Variants in GPR143 observed in about 807,000 individuals in gnomAD.
The protein encoded by GPR143 is G protein-coupled receptor 143.
GPR143 carries 8 observed loss-of-function variants against 27.6 expected under a neutral mutation model. That is an observed-to-expected ratio of 0.29 (90% CI 0.17 to 0.52). The LOEUF (loss-of-function observed/expected upper bound fraction) is 0.52, where lower values mean the gene tolerates loss of function less well. Among genes scored for constraint, GPR143 ranks in the 20% least tolerant of loss-of-function variants. GPR143 has a pLI of 0.96. For missense variants in GPR143, 303 were observed against 343.1 expected (o/e 0.88, Z 0.92); for synonymous variants, 156 against 153.2 (o/e 1.02, Z -0.13).
chrX:9,758,813 G>A (rs1434641915), intron 3 of GPR143, among the ~76,000 whole-genome samples: 1 of 111,032 alleles, frequency 9.0e-6, no homozygotes, highest in African/African-American at 3.3e-5. Context: ...GCTTGAGCCT[G>A]GGAGGTTGAG....
intron 3 of GPR143, 37 bp from the exon 4 acceptor site, chrX:9,748,703 G>A (rs1387844491): frequency 2.1e-6 from 2 of 966,846 alleles, no homozygotes; most frequent in East Asian, 6.1e-5. Flanking sequence ...CAGCTCAGTG[G>A]GGCACAGAGG....
In GPR143 at chrX:9,726,970, T is replaced by G. The variant is rs973310176; in HGVS notation, c.1121-1130A>C. On this transcript the variant is annotated intron_variant, in intron 8 of 8. Transcript: ENST00000467482. ...AACATCACTCCCATCGAAAGAGTAA[T>G]CCTGGATGTCAGTCATCATTCTGAT... is the stretch of plus-strand genomic sequence containing the variant. Among the ~76,000 whole-genome samples the G allele has an allele frequency of 3.6e-5, 4 of 112,495 alleles. No homozygotes were observed. The Admixed American group carries it at 3.7e-4, about 11-fold the overall frequency.
At chrX:9,767,607 A>G (rs975947517), upstream of GPR143, among the ~76,000 whole-genome samples, 2 of 111,708 alleles carry the variant, frequency 1.8e-5, no homozygotes, top group African/African-American at 3.3e-5. Context: ...ACTTCAAAAG[A>G]GTCCAGATCT....
chrX:9,752,951 G>A (rs970676251), intron 3 of GPR143, among the ~76,000 whole-genome samples: 1 of 111,439 alleles, frequency 9.0e-6, no homozygotes, highest in Non-Finnish European at 1.9e-5. Flanking sequence ...AGGGAGCGCC[G>A]TGTGTTGAGG....
chrX:9,767,396 G>A (rs867639707), upstream of GPR143, among the ~76,000 whole-genome samples: 1 of 110,319 alleles, frequency 9.1e-6, no homozygotes, highest in African/African-American at 3.3e-5. Context: ...AGGTGCAGGT[G>A]TCCCCATTGT....
chrX:9,756,486 C>T (rs1028499579), intron 3 of GPR143, among the ~76,000 whole-genome samples: 5 of 112,017 alleles, frequency 4.5e-5, no homozygotes, highest in African/African-American at 9.7e-5. Context: ...TTGTGAATCA[C>T]GTATGTAATA....
chrX:9,726,688 C>T (rs1202207323), intron 8 of GPR143, among the ~76,000 whole-genome samples: 1 of 112,274 alleles, frequency 8.9e-6, no homozygotes. Flanking sequence ...CATGAAGAAT[C>T]TTGTAACTGG....
Position 9,761,179 on chromosome X carries a change from C to T in GPR143, c.251-353G>A, listed in dbSNP as rs1301123612. On this transcript the variant is annotated intron_variant, in intron 1 of 8. Coordinates refer to ENST00000467482, the MANE Select transcript of GPR143 (RefSeq NM_000273.3). Reference sequence around the variant, plus strand: ...TAAAAACCCTGCTCACTGCAAATTCCGCCTCCCAGGTTTAAGTAATTCTCC... The same window carrying T: ...TAAAAACCCTGCTCACTGCAAATTCTGCCTCCCAGGTTTAAGTAATTCTCC... Among the ~76,000 whole-genome samples, 5 of 111,132 alleles carry T rather than the reference C, an allele frequency of 4.5e-5. No homozygotes were observed. The East Asian group carries it at 8.4e-4, about 19-fold the overall frequency.
At chrX:9,769,591 T>G (rs766723904), upstream of GPR143, among the ~76,000 whole-genome samples, 2 of 111,998 alleles carry the variant, frequency 1.8e-5, no homozygotes, top group Non-Finnish European at 3.8e-5. Context: ...ATTTGTTTAT[T>G]TATTTATTGA....
intron 3 of GPR143, among the ~76,000 whole-genome samples, chrX:9,752,261 T>C (rs1433494319): frequency 9.0e-6 from 1 of 111,327 alleles, no homozygotes; most frequent in Non-Finnish European, 1.9e-5. Flanking sequence ...AGAGATGGAG[T>C]CTTGCTATGT....
intron 8 of GPR143, among the ~76,000 whole-genome samples, chrX:9,735,584 C>G (rs1483127776): frequency 9.0e-6 from 1 of 111,418 alleles, no homozygotes; most frequent in African/African-American, 3.3e-5. Context: ...ATTGTCCTTA[C>G]TTACTTGGGA....
rs3788938 is a variant in GPR143 at position 9,743,555 on chromosome X, G to C, written c.767+10C>G. 219,175 of 1,012,845 alleles carry C rather than the reference G, an allele frequency of 0.22. 17,349 individuals are homozygous for C. Among genetic ancestry groups the C allele is most frequent in the South Asian group, 0.32 (17,082 of 52,754 alleles). 83.5% of individuals were successfully genotyped at this position (1,012,845 alleles called of 1,213,427 possible). On this transcript the variant is annotated intron_variant, in intron 6 of 8. Transcript: ENST00000467482. ...GCAATAAAAATACACATATATAGAAGAAAGGTTACCAAATAATTAAAACCA... is the reference window on the plus strand; with the variant it reads ...GCAATAAAAATACACATATATAGAACAAAGGTTACCAAATAATTAAAACCA...
chrX:9,762,247 A>G (rs376988715), intron 1 of GPR143, among the ~76,000 whole-genome samples: 40 of 108,892 alleles, frequency 3.7e-4, no homozygotes, highest in Middle Eastern at 9.9e-3. Context: ...AAAATTAGCC[A>G]GGCACGGTGG....
chrX:9,770,952 T>C (rs761777162), upstream of GPR143, among the ~76,000 whole-genome samples: 1 of 111,747 alleles, frequency 8.9e-6, no homozygotes, highest in South Asian at 3.7e-4. Flanking sequence ...TGAGCAATGG[T>C]ATAGATTCTG....
intron 8 of GPR143, among the ~76,000 whole-genome samples, chrX:9,731,427 T>C (rs1204472183): frequency 2.8e-5 from 3 of 107,804 alleles, no homozygotes; most frequent in Admixed American, 2.0e-4. Flanking sequence ...ACAAGAATGA[T>C]GGAGAAATAT....
At chrX:9,765,025 A>C (rs1335553006) in intron 1 of GPR143, among the ~76,000 whole-genome samples, 3 of 68,378 alleles carry the variant, frequency 4.4e-5, no homozygotes, top group African/African-American at 2.6e-4. Flanking sequence ...CTCCGTCTCA[A>C]AAAAAAAAAA....
At chrX:9,744,918 G>C (rs929990397) in intron 5 of GPR143, among the ~76,000 whole-genome samples, 14 of 111,229 alleles carry the variant, frequency 1.3e-4, no homozygotes, top group Non-Finnish European at 2.5e-4. Context: ...TTTTTGATGA[G>C]ATTTTGTCTT....
At chrX:9,738,771 T>C (rs1460953504) in intron 8 of GPR143, among the ~76,000 whole-genome samples, 1 of 111,995 alleles carries the variant, frequency 8.9e-6, no homozygotes, top group Admixed American at 9.5e-5. Flanking sequence ...ATTACAGGTG[T>C]GTGCCTCCAT....
intron 1 of GPR143, among the ~76,000 whole-genome samples, chrX:9,777,485 G>A (rs1051719809): frequency 9.0e-6 from 1 of 111,689 alleles, no homozygotes; most frequent in African/African-American, 3.3e-5. Context: ...CGTACGTATC[G>A]TATTTTATTG....
Sources: allele counts gnomAD v4.1 joint callset (sites outside exome capture counted in the v4.1 genomes callset), GRCh38; gene constraint gnomAD v4.1.1; transcripts MANE v1.5; gene names NCBI Gene and HGNC (gene_info 2026-07-23, HGNC 2026-07-21).